The following MYH6 variants were observed in gnomAD, a reference collection of about 807,000 sequenced individuals.
The protein encoded by MYH6 is myosin heavy chain 6.
In MYH6, 126 loss-of-function variants were observed where a neutral mutation model predicts 223.2. The ratio of observed to expected loss-of-function variants is 0.56; its 90% confidence interval spans 0.49 to 0.65. MYH6 has a LOEUF of 0.65. MYH6 is among the 30% of genes least tolerant of loss of function. The pLI is 0.00. For synonymous variants in MYH6, 978 were observed against 1,010.2 expected, an observed-to-expected ratio of 0.97 and a Z score of 0.61; for missense variants, 2,040 against 2,536.4, an observed-to-expected ratio of 0.80 and a Z score of 4.20.
chr14:23,384,600 C>G lies in MYH6; in HGVS notation c.5407G>C (p.Glu1803Gln), dbSNP rs768893054. Residue 1803 changes from glutamate (E) to glutamine (Q), a missense_variant, in exon 36 of 39, where the codon GAG (glutamate) becomes CAG (glutamine). Physicochemically the swap from Glu to Gln is conservative, Grantham distance 29 (BLOSUM62 2). Around this residue, in one of 4 missense-constraint regions of MYH6, gnomAD observed 1,203 missense variants for 1,400.2 expected, o/e 0.86. Coordinates refer to ENST00000405093, the MANE Select transcript of MYH6 (RefSeq NM_002471.4). ...KDLQHRLDEA[E>Q]QIALKGGKKQ... ...TTGCCTCCCTTGAGGGCGATCTGCT[C>G]GGCCTCGTCCAGCCGGTGCTGCAGG... The G allele has an allele frequency of 3.1e-6, 5 of 1,613,808 alleles. No homozygotes were observed. Among genetic ancestry groups the G allele is most frequent in the South Asian group, 1.1e-5 (1 of 91,060 alleles).
At position 23,390,137 on chromosome 14, in the gene MYH6, T is replaced by A; in HGVS notation, c.3652A>T (p.Lys1218Ter). ...QIDNLQRVKQ[K>*]LEKEKSEFKL... is the part of the protein sequence containing the mutation. ...AACTCGCTCTTCTCCTTCTCCAGCT[T>A]CTGCTTCACCCGCTGCAGGTTGTCG... The change falls in exon 26 of 39, where the codon AAG (lysine) becomes TAG (stop). Residue 1218 changes from lysine to a stop codon, truncating the protein, a stop_gained. Coordinates refer to ENST00000405093, the MANE Select transcript of MYH6 (RefSeq NM_002471.4). LOFTEE classifies it high-confidence loss of function. 1 of 1,611,654 alleles carries A rather than the reference T, an allele frequency of 6.2e-7. No homozygotes were observed. The highest frequency in any genetic ancestry group is 8.5e-7 in the Non-Finnish European group (1 of 1,179,436).
Position 23,398,847 on chromosome 14 carries a change from A to G in MYH6, c.1772T>C (p.Ile591Thr). The stretch of plus-strand genomic sequence containing the variant: ...CTTGTTTTTTTCCAGCCAGCCCAGG[A>G]TGTTGTAGTCCACAGTGCCGGCGTA... Reference protein sequence around the residue: ...IHYAGTVDYNILGWLEKNKDP... With the variant: ...IHYAGTVDYNTLGWLEKNKDP... Residue 591 changes from isoleucine (I) to threonine (T), a missense_variant, in exon 15 of 39, where the codon ATC (isoleucine) becomes ACC (threonine). By Grantham distance (89) the Ile-to-Thr change is moderately conservative. Transcript: ENST00000405093. The G allele has an allele frequency of 6.2e-7, 1 of 1,614,108 alleles. No individual in the cohort carries two copies. The highest frequency in any genetic ancestry group is 1.1e-5 in the South Asian group (1 of 91,082).
intron 3 of MYH6, 143 bp downstream of exon 3, chr14:23,406,880 G>T (rs1412756020): frequency 7.6e-6 from 7 of 921,452 alleles, no homozygotes; most frequent in Admixed American, 1.7e-5. Context: ...CAGATTCTGG[G>T]CTCCTCAAAG....
chr14:23,382,790 G>A (rs1890899836), intron 37 of MYH6, among the ~76,000 whole-genome samples: 2 of 152,104 alleles, frequency 1.3e-5, no homozygotes, highest in Non-Finnish European at 2.9e-5. Context: ...ATCCCATGCT[G>A]CCCGATCTGG....
At chr14:23,396,175 C>T (rs1566511148) in intron 20 of MYH6, 109 bp downstream of exon 20, 4 of 1,434,046 alleles carry the variant, frequency 2.8e-6, no homozygotes, top group Non-Finnish European at 3.9e-6. Flanking sequence ...AAGTAACTTG[C>T]CCAGGCCAGC....
In MYH6 at chr14:23,383,251, C is replaced by T. The variant is rs1457647629; in HGVS notation, c.5635G>A (p.Ala1879Thr). 2 of 1,555,242 alleles carry T rather than the reference C, an allele frequency of 1.3e-6. No homozygotes were observed. The highest frequency in any genetic ancestry group is 1.4e-5 in the African/African-American group (1 of 70,580). Residue 1879 changes from alanine to threonine, a missense_variant, in exon 37 of 39, where the codon GCC becomes ACC. Physicochemically the swap from Ala to Thr is moderately conservative, Grantham distance 58. Around this residue, in one of 4 missense-constraint regions of MYH6, gnomAD observed 1,203 missense variants for 1,400.2 expected, o/e 0.86. Transcript: ENST00000405093. Reference protein sequence around the residue: ...LVDKLQLKVKAYKRQAEEAEE... With the variant: ...LVDKLQLKVKTYKRQAEEAEE... The stretch of plus-strand genomic sequence containing the variant: ...GCCTCCTCGGCCTGGCGCTTGTAGG[C>T]CTTGACCTTCAGTTGCAGCTTGTCC...
rs752094816 is a variant in MYH6, at chr14:23,392,565, G to A, written c.3339C>T (p.Asn1113=). ...ATGCACTGGGAAAAAAAGTCACCTG[G>A]TTTTCCTTCAGTTTCTTCTGTAGTT... is the stretch of plus-strand genomic sequence containing the variant. ...ALQLQKKLKE[N]QARIEELEEE... is the part of the protein sequence containing the mutation. The change falls in exon 25 of 39, where the codon AAC becomes AAT. Residue 1113 remains asparagine (N), a synonymous_variant. Coordinates refer to ENST00000405093, the MANE Select transcript of MYH6 (RefSeq NM_002471.4). 6 of 1,530,490 alleles carry A rather than the reference G, an allele frequency of 3.9e-6. No individual in the cohort carries two copies. The highest frequency in any genetic ancestry group is 3.6e-5 in the Admixed American group (2 of 55,318). 94.8% of individuals were successfully genotyped at this position (1,530,490 alleles called of 1,614,324 possible). A position where few individuals can be genotyped will look rare whatever the true frequency, so the allele number is the denominator to read the frequency against.
At chr14:23,388,037 C>T in intron 30 of MYH6, 114 bp from the exon 31 acceptor site, 1 of 1,606,556 alleles carries the variant, frequency 6.2e-7, no homozygotes, top group East Asian at 2.2e-5. Context: ...TGTCCCTGGT[C>T]CCGAGCCTGG....
intron 20 of MYH6, among the ~76,000 whole-genome samples, chr14:23,395,869 C>A (rs1891378314): frequency 6.6e-6 from 1 of 152,050 alleles, no homozygotes; most frequent in South Asian, 2.1e-4. Context: ...AACTGTTTTC[C>A]TAGGAAGTTG....
rs149229400 is a variant in MYH6, at chr14:23,405,911, C to T, written c.202-141G>A. On this transcript the variant is annotated intron_variant, in intron 3 of 38. Coordinates refer to ENST00000405093, the MANE Select transcript of MYH6 (RefSeq NM_002471.4). This position sits in a 1 kb window ranked among gnomAD's most constrained non-coding sequence, Gnocchi z 4.7. ...CTGACCAGTGCCCCGGCCCCTACCC[C>T]GATGTCCCCTGGGACACTTTCCCCA... is the stretch of plus-strand genomic sequence containing the variant. 2.9e-4 allele frequency: 286 copies of T among 1,003,136 alleles called. 2 individuals carry two copies. The highest frequency in any genetic ancestry group is 2.1e-3 in the South Asian group (156 of 74,272). The allele number at this position is 1,003,136 out of a possible 1,614,324, so 62.1% of individuals were successfully genotyped here. A position where few individuals can be genotyped will look rare whatever the true frequency, so the allele number is the denominator to read the frequency against.
chr14:23,403,888 C>T, intron 8 of MYH6, 110 bp from the exon 9 acceptor site: 3 of 939,936 alleles, frequency 3.2e-6, no homozygotes, highest in Non-Finnish European at 5.0e-6. Context: ...TAAACGACCT[C>T]TTTGGTGTCT....
In MYH6 at chr14:23,400,875, C is replaced by G. The variant is rs759520932; in HGVS notation, c.1244G>C (p.Gly415Ala). The G allele has an allele frequency of 4.2e-5, 68 of 1,614,106 alleles. No individual in the cohort carries two copies. The highest frequency in any genetic ancestry group is 8.3e-5 in the Admixed American group (5 of 60,004). Residue 415 changes from glycine to alanine, a missense_variant, in exon 13 of 39, where the codon GGG (glycine) becomes GCG (alanine). Gly to Ala is a moderately conservative substitution (Grantham distance 60). Around this residue, in one of 4 missense-constraint regions of MYH6, gnomAD observed 649 missense variants for 877.3 expected, o/e 0.74. Coordinates refer to ENST00000405093, the MANE Select transcript of MYH6 (RefSeq NM_002471.4). ...GTAGTACACCTGCTGCACGCTCTGC[C>G]CCTTGGTGACATACTCGTTGCCCAC... ...VKVGNEYVTKGQSVQQVYYSI... is the reference protein window; with the variant it reads ...VKVGNEYVTKAQSVQQVYYSI...
At chr14:23,384,408 C>G in intron 36 of MYH6, 34 bp downstream of exon 36, 3 of 1,605,794 alleles carry the variant, frequency 1.9e-6, no homozygotes, top group Non-Finnish European at 2.5e-6. Context: ...AAGAAACTTC[C>G]ACATCTACTC....
rs776602843 is a variant in MYH6, at chr14:23,396,990, C to T, written c.2141G>A (p.Arg714His). 5.6e-6 allele frequency: 9 copies of T among 1,613,288 alleles called. No individual in the cohort carries two copies. Among genetic ancestry groups the T allele is most frequent in the African/African-American group, 4.0e-5 (3 of 74,918 alleles). ...IRICRKGFPNRILYGDFRQRY... is the reference protein window; with the variant it reads ...IRICRKGFPNHILYGDFRQRY... ...CTGCCGGAAGTCCCCGTAGAGGATG[C>T]GGTTGGGGAAGCCCTTCCTGCAGAT... Residue 714 changes from arginine (R) to histidine (H), a missense_variant, in exon 18 of 39, where the codon CGC (arginine) becomes CAC (histidine). Coordinates refer to ENST00000405093, the MANE Select transcript of MYH6 (RefSeq NM_002471.4).
Position 23,390,429 on chromosome 14 carries a change from C to A in MYH6, c.3360G>T (p.Leu1120=). 2 of 1,612,654 alleles carry A rather than the reference C, an allele frequency of 1.2e-6. No individual in the cohort carries two copies. The highest frequency in any genetic ancestry group is 1.7e-6 in the Non-Finnish European group (2 of 1,179,934). Reference sequence around the variant, plus strand: ...TGCGCTCGGCCTCCAGCTCCTCCTCCAGCTCCTCGATGCGTGCCTGGGTCA... The same window carrying A: ...TGCGCTCGGCCTCCAGCTCCTCCTCAAGCTCCTCGATGCGTGCCTGGGTCA... The part of the protein sequence containing the change: ...LKENQARIEE[L]EEELEAERTA... Residue 1120 remains leucine (L), a synonymous_variant, in exon 26 of 39, where the codon CTG becomes CTT. Transcript: ENST00000405093.
Position 23,387,550 on chromosome 14 carries a change from C to T in MYH6, c.4629G>A (p.Gln1543=), listed in dbSNP as rs1177280918. Residue 1543 remains glutamine, a synonymous_variant, in exon 32 of 39, where the codon CAG becomes CAA. Coordinates refer to ENST00000405093, the MANE Select transcript of MYH6 (RefSeq NM_002471.4). ...KQLEVEKLEL[Q]SALEEAEASL... ...TCACCTCTGCCTCCTCCAGGGCTGACTGCAGCTCCAGCTTCTCCACCTCCA... is the reference window on the plus strand; with the variant it reads ...TCACCTCTGCCTCCTCCAGGGCTGATTGCAGCTCCAGCTTCTCCACCTCCA... 1.2e-6 allele frequency: 2 copies of T among 1,614,038 alleles called. No individual in the cohort carries two copies. Among genetic ancestry groups the T allele is most frequent in the East Asian group, 4.5e-5 (2 of 44,872 alleles).
rs1891822242 is a variant in MYH6, at chr14:23,407,319, C to T, written c.-13-83G>A. ...GGCTTTGTCCTCTGCAGCCCCCCTC[C>T]CTACCCCCGCTCCTCTCCTCCACCC... is the stretch of plus-strand genomic sequence containing the variant. On this transcript the variant is annotated intron_variant, in intron 2 of 38. Transcript: ENST00000405093. The surrounding 1 kb of genome is among the most constrained non-coding windows in gnomAD (Gnocchi z 5.6). 2.0e-6 allele frequency: 3 copies of T among 1,497,272 alleles called. No homozygotes were observed. Among genetic ancestry groups the T allele is most frequent in the African/African-American group, 2.8e-5 (2 of 72,648 alleles). The allele number at this position is 1,497,272 out of a possible 1,614,324, so 92.7% of individuals were successfully genotyped here. A position where few individuals can be genotyped will look rare whatever the true frequency, so the allele number is the denominator to read the frequency against.
At chr14:23,390,011 T>C in intron 26 of MYH6, 46 bp downstream of exon 26, 1 of 1,613,200 alleles carries the variant, frequency 6.2e-7, no homozygotes, top group South Asian at 1.1e-5. Context: ...TGGGGGAGGC[T>C]CCGCTGTGCA....
In MYH6 at chr14:23,384,437, C is replaced by G. The variant is rs527840758; in HGVS notation, c.5565+5G>C. Reference sequence around the variant, plus strand: ...TCTACTCCTGGTGTCTGGCGTCCGCCGCACCTGGTAGGTGAGCTCCTTGAT... The same window carrying G: ...TCTACTCCTGGTGTCTGGCGTCCGCGGCACCTGGTAGGTGAGCTCCTTGAT... On this transcript the variant is annotated splice_donor_5th_base_variant and intron_variant, in intron 36 of 38. Transcript: ENST00000405093. 1.2e-6 allele frequency: 2 copies of G among 1,609,596 alleles called. No homozygotes were observed. Among genetic ancestry groups the G allele is most frequent in the African/African-American group, 1.3e-5 (1 of 75,028 alleles).
Sources: gnomAD v4.1 joint callset for allele counts (sites outside exome capture counted in the v4.1 genomes callset) on GRCh38, gnomAD v4.1.1 for gene constraint, gnomAD v4.1.1 regional missense constraint, Gnocchi (gnomAD v3.1) non-coding constraint, MANE v1.5 for transcripts, NCBI Gene and HGNC (gene_info 2026-07-23, HGNC 2026-07-21) for gene names.